DPP10: variants seen among roughly 807,000 people sequenced by gnomAD.
The protein encoded by DPP10 is inactive dipeptidyl peptidase 10.
DPP10 carries 33 observed loss-of-function variants against 120.9 expected under a neutral mutation model. That is an observed-to-expected ratio of 0.27 (90% CI 0.21 to 0.37). The LOEUF (loss-of-function observed/expected upper bound fraction) is 0.37, where lower values mean the gene tolerates loss of function less well. Ranked by LOEUF, DPP10 falls within the 10% of genes least tolerant of loss-of-function variation. The probability of loss-of-function intolerance (pLI) is 1.00; values close to 1 mark genes in which losing one functional copy is unlikely to be tolerated. For missense variants in DPP10, 816 were observed against 942.8 expected, an observed-to-expected ratio of 0.87 and a Z score of 1.76; for synonymous variants, 337 against 326.1, an observed-to-expected ratio of 1.03 and a Z score of -0.36.
chr2:114,916,756 AT>A (rs1288080543), intron 1 of DPP10, among the ~76,000 whole-genome samples: 1 of 152,196 alleles, frequency 6.6e-6, no homozygotes, highest in Non-Finnish European at 1.5e-5. Flanking sequence ...AAGGCTTTTG[AT>A]TAACATTCCA....
chr2:115,637,728 T>G (rs2086461120), intron 5 of DPP10, among the ~76,000 whole-genome samples: 1 of 152,196 alleles, frequency 6.6e-6, no homozygotes, highest in Non-Finnish European at 1.5e-5. Context: ...AATCACTATT[T>G]TCTCTAGGAG....
chr2:115,246,224 T>G (rs1055656169), intron 1 of DPP10, among the ~76,000 whole-genome samples: 1 of 152,144 alleles, frequency 6.6e-6, no homozygotes, highest in African/African-American at 2.4e-5. Context: ...ATTCATTACA[T>G]AGTTATCAAA....
At chr2:114,896,421 T>G (rs1693003834) in intron 1 of DPP10, among the ~76,000 whole-genome samples, 1 of 152,174 alleles carries the variant, frequency 6.6e-6, no homozygotes, top group African/African-American at 2.4e-5. Flanking sequence ...TGAGCAGTGT[T>G]TTGTAGTTCT....
At chr2:114,945,839 C>T (rs1697308987) in intron 1 of DPP10, among the ~76,000 whole-genome samples, 1 of 151,896 alleles carries the variant, frequency 6.6e-6, no homozygotes, top group Admixed American at 6.6e-5. Context: ...CAAAAACAAA[C>T]ACCATTTGTA....
At position 115,486,797 on chromosome 2, in the gene DPP10, T is replaced by C. The variant is rs1286595515; in HGVS notation, c.272-12713T>C. 3.9e-5 allele frequency among the ~76,000 whole-genome samples: 6 copies of C among 152,246 alleles called. No homozygotes were observed. The East Asian group carries it at 1.2e-3, about 29-fold the overall frequency. On this transcript the variant is annotated intron_variant, in intron 3 of 25. Coordinates refer to ENST00000410059, the MANE Select transcript of DPP10 (RefSeq NM_020868.6). ...GCAAATAATCCAAAGAATGAAATGG[T>C]CGTGTGAAAATTGCTGCTATTCACA...
At chr2:115,217,169 A>G (rs1311461735) in intron 1 of DPP10, among the ~76,000 whole-genome samples, 1 of 152,192 alleles carries the variant, frequency 6.6e-6, no homozygotes, top group Non-Finnish European at 1.5e-5. Flanking sequence ...TAGGTTTTGA[A>G]CATTTTAGTT....
At chr2:115,289,523 A>AGAAAAGAAAT (rs2060567445) in intron 1 of DPP10, among the ~76,000 whole-genome samples, 1 of 151,324 alleles carries the variant, frequency 6.6e-6, no homozygotes, top group Non-Finnish European at 1.5e-5. Flanking sequence ...AGAAAAGAAA[A>AGAAAAGAAAT]AAGAGCCTAA....
At chr2:115,294,584 T>A (rs1239259339) in intron 1 of DPP10, among the ~76,000 whole-genome samples, 1 of 152,052 alleles carries the variant, frequency 6.6e-6, no homozygotes, top group African/African-American at 2.4e-5. Context: ...AGTTCTTAAA[T>A]TTATCTTCAA....
intron 1 of DPP10, among the ~76,000 whole-genome samples, chr2:115,231,727 C>G (rs1211314138): frequency 6.6e-6 from 1 of 152,130 alleles, no homozygotes; most frequent in Non-Finnish European, 1.5e-5. Flanking sequence ...CAAGAAGTAG[C>G]GATATATGAA....
At chr2:115,593,283 G>C (rs955523358) in intron 5 of DPP10, among the ~76,000 whole-genome samples, 2 of 152,154 alleles carry the variant, frequency 1.3e-5, no homozygotes, top group Non-Finnish European at 2.9e-5. Context: ...AACAAAGGTT[G>C]ATGCATGGCA....
chr2:115,370,179 T>C (rs2065317389), intron 3 of DPP10, among the ~76,000 whole-genome samples: 1 of 152,176 alleles, frequency 6.6e-6, no homozygotes. Flanking sequence ...AAGACAGCCT[T>C]GTGGTCGCTT....
Position 114,807,933 on chromosome 2 carries a change from G to A in DPP10, c.60+365095G>A, listed in dbSNP as rs77431897. 6.1e-3 allele frequency among the ~76,000 whole-genome samples: 922 copies of A among 152,282 alleles called. 15 individuals carry two copies. Among genetic ancestry groups the A allele is most frequent in the African/African-American group, 0.021 (882 of 41,550 alleles). On this transcript the variant is annotated intron_variant, in intron 1 of 25. Transcript: ENST00000410059. ...TGTCCAGCAGCTGGGCTAAGGTGACGAAGCAAACACTACAAATCAGTGTGC... is the reference window on the plus strand; with the variant it reads ...TGTCCAGCAGCTGGGCTAAGGTGACAAAGCAAACACTACAAATCAGTGTGC...
intron 5 of DPP10, among the ~76,000 whole-genome samples, chr2:115,602,357 T>C (rs1396673489): frequency 3.3e-5 from 5 of 152,228 alleles, no homozygotes. Context: ...CCAAAGTAAA[T>C]GCTCATTTTT....
chr2:115,003,393 G>T (rs1207264814), intron 1 of DPP10, among the ~76,000 whole-genome samples: 1 of 151,884 alleles, frequency 6.6e-6, no homozygotes, highest in Non-Finnish European at 1.5e-5. Context: ...GAGAGGAAGA[G>T]AAAAAATACC....
chr2:115,419,390 G>T (rs541035979), intron 3 of DPP10, among the ~76,000 whole-genome samples: 1 of 152,230 alleles, frequency 6.6e-6, no homozygotes, highest in African/African-American at 2.4e-5. Context: ...AAGGAAAAGG[G>T]GAGCAGGCAT....
chr2:115,804,954 A>G (rs547927662), intron 19 of DPP10, among the ~76,000 whole-genome samples: 2 of 152,260 alleles, frequency 1.3e-5, no homozygotes, highest in South Asian at 4.1e-4. Flanking sequence ...ACTCTCTTCA[A>G]AGCTGTCAGA....
chr2:115,314,430 A>G (rs947427260), intron 2 of DPP10, among the ~76,000 whole-genome samples: 10 of 152,138 alleles, frequency 6.6e-5, no homozygotes, highest in African/African-American at 1.9e-4. Flanking sequence ...AAACTTCCCA[A>G]TTACCCTCTG....
chr2:115,590,441 G>A (rs903739726), intron 5 of DPP10, among the ~76,000 whole-genome samples: 1 of 152,080 alleles, frequency 6.6e-6, no homozygotes, highest in Non-Finnish European at 1.5e-5. Context: ...CCTTGCGATA[G>A]TTTGCTGAGA....
At chr2:115,569,357 G>A (rs950938033) in intron 5 of DPP10, among the ~76,000 whole-genome samples, 2 of 152,134 alleles carry the variant, frequency 1.3e-5, no homozygotes, top group African/African-American at 4.8e-5. Context: ...AGGTAAAGAA[G>A]TTATCTGATT....
Sources: allele counts gnomAD v4.1 joint callset (sites outside exome capture counted in the v4.1 genomes callset), GRCh38; gene constraint gnomAD v4.1.1; transcripts MANE v1.5; gene names NCBI Gene and HGNC (gene_info 2026-07-23, HGNC 2026-07-21).